MEIS1: variants seen among roughly 807,000 people sequenced by gnomAD.
MEIS1 encodes Meis homeobox 1.
Under a neutral mutation model 50.8 loss-of-function variants are expected in MEIS1, and 5 were observed. The observed-to-expected ratio is 0.10, with a 90% confidence interval of 0.05 to 0.21. The LOEUF (loss-of-function observed/expected upper bound fraction) is 0.21. MEIS1 is among the 10% of genes least tolerant of loss of function. MEIS1 has a pLI of 1.00. For missense variants in MEIS1, 318 were observed against 517.3 expected (o/e 0.61, Z 3.74); for synonymous variants, 176 against 179.3 (o/e 0.98, Z 0.15).
At chr2:66,474,451 CT>C (rs1672842231) in intron 7 of MEIS1, among the ~76,000 whole-genome samples, 3 of 152,108 alleles carry the variant, frequency 2.0e-5, no homozygotes, top group Admixed American at 6.6e-5. Context: ...AGCTCTCCCC[CT>C]GATGTTATTT....
chr2:66,488,634 C>T (rs942768785), intron 7 of MEIS1, among the ~76,000 whole-genome samples: 7 of 152,068 alleles, frequency 4.6e-5, no homozygotes, highest in East Asian at 3.9e-4. Context: ...GCCGAGATCG[C>T]GCCACTGCAC....
At chr2:66,548,123 C>T (rs1396526428) in intron 9 of MEIS1, 104 bp downstream of exon 9, 4 of 1,059,948 alleles carry the variant, frequency 3.8e-6, no homozygotes, top group East Asian at 2.4e-5. Context: ...CACTGCTTTC[C>T]CTGGTGGCTT....
intron 8 of MEIS1, among the ~76,000 whole-genome samples, chr2:66,533,335 A>G (rs1572884637): frequency 6.6e-6 from 1 of 152,104 alleles, no homozygotes; most frequent in East Asian, 1.9e-4. Context: ...TTTTTCCCCC[A>G]TAGACTTTAT....
intron 10 of MEIS1, chr2:66,567,925 C>G (rs1675390812): frequency 2.8e-6 from 1 of 362,070 alleles, no homozygotes; most frequent in African/African-American, 2.1e-5. Flanking sequence ...TTGTGGGACT[C>G]AGTAAAGTTC....
At chr2:66,518,368 T>G (rs1212141058) in intron 8 of MEIS1, among the ~76,000 whole-genome samples, 2 of 152,228 alleles carry the variant, frequency 1.3e-5, no homozygotes, top group African/African-American at 2.4e-5. Context: ...GCTGGCAATT[T>G]GTCAGATCAT....
chr2:66,524,738 A>G (rs1674207869), intron 8 of MEIS1, among the ~76,000 whole-genome samples: 1 of 152,190 alleles, frequency 6.6e-6, no homozygotes, highest in Admixed American at 6.5e-5. Flanking sequence ...TATTTCATGA[A>G]AATATTTACA....
At chr2:66,524,238 T>C (rs908518955) in intron 8 of MEIS1, among the ~76,000 whole-genome samples, 2 of 152,170 alleles carry the variant, frequency 1.3e-5, no homozygotes, top group African/African-American at 4.8e-5. Context: ...TGGTCCAGCC[T>C]GACTCTGGGT....
intron 9 of MEIS1, among the ~76,000 whole-genome samples, chr2:66,551,851 G>T (rs1307624067): frequency 6.6e-6 from 1 of 151,642 alleles, no homozygotes; most frequent in Non-Finnish European, 1.5e-5. Flanking sequence ...TAGCATCAGG[G>T]GCTTTTGTCT....
chr2:66,476,068 G>T (rs563826711), intron 7 of MEIS1, among the ~76,000 whole-genome samples: 23 of 152,288 alleles, frequency 1.5e-4, no homozygotes, highest in African/African-American at 4.6e-4. Context: ...GAATGGGGTT[G>T]AGGATGCTGT....
chr2:66,532,487 A>T (rs1410414806), intron 8 of MEIS1, among the ~76,000 whole-genome samples: 2 of 152,140 alleles, frequency 1.3e-5, no homozygotes, highest in African/African-American at 4.8e-5. Context: ...AAATAGGGGT[A>T]AACACTCTGG....
intron 7 of MEIS1, among the ~76,000 whole-genome samples, chr2:66,482,239 C>A (rs971407225): frequency 6.6e-6 from 1 of 152,048 alleles, no homozygotes; most frequent in Non-Finnish European, 1.5e-5. Flanking sequence ...ATTTTTCAAA[C>A]AAATAACTCA....
At chr2:66,502,248 A>G (rs920521462) in intron 7 of MEIS1, among the ~76,000 whole-genome samples, 3 of 152,182 alleles carry the variant, frequency 2.0e-5, no homozygotes, top group Non-Finnish European at 2.9e-5. Context: ...AAATATAGGC[A>G]GGGGTAAATG....
intron 6 of MEIS1, among the ~76,000 whole-genome samples, chr2:66,452,049 G>A (rs1489433858): frequency 2.0e-5 from 3 of 151,808 alleles, no homozygotes; most frequent in African/African-American, 7.3e-5. Flanking sequence ...CAGCAAATAG[G>A]TAAGATGCTA....
chr2:66,448,085 A>G (rs1196867491), intron 6 of MEIS1, among the ~76,000 whole-genome samples: 5 of 152,210 alleles, frequency 3.3e-5, no homozygotes, highest in African/African-American at 1.2e-4. Context: ...GTCCTAACTT[A>G]GAGACTTGTA....
Position 66,450,723 on chromosome 2 carries a change from A to G in MEIS1, c.630+7675A>G, listed in dbSNP as rs556309573. On this transcript the variant is annotated intron_variant, in intron 6 of 12. Coordinates refer to ENST00000272369, the MANE Select transcript of MEIS1 (RefSeq NM_002398.3). ...ATTAGAATTACTCTAATATCAATAT[A>G]TGACAACATTCTAGTATCAATACCT... Among the ~76,000 whole-genome samples the G allele has an allele frequency of 1.3e-3, 202 of 152,310 alleles. 1 individual carries two copies. Among genetic ancestry groups the G allele is most frequent in the African/African-American group, 4.5e-3 (185 of 41,572 alleles).
At chr2:66,473,417 T>G (rs768734433) in intron 7 of MEIS1, among the ~76,000 whole-genome samples, 3 of 138,722 alleles carry the variant, frequency 2.2e-5, no homozygotes, top group Non-Finnish European at 4.5e-5. Context: ...TATATATATA[T>G]AGTAATATAA....
intron 8 of MEIS1, among the ~76,000 whole-genome samples, chr2:66,515,087 G>C (rs944594242): frequency 6.6e-6 from 1 of 152,046 alleles, no homozygotes; most frequent in African/African-American, 2.4e-5. Context: ...AAATGGTCAC[G>C]TCATTGCTAT....
At chr2:66,564,447 G>A (rs17032248) in intron 9 of MEIS1, among the ~76,000 whole-genome samples, 1 of 152,152 alleles carries the variant, frequency 6.6e-6, no homozygotes, top group Non-Finnish European at 1.5e-5. Context: ...CCACTGCAAG[G>A]CTTCAGGAGG....
intron 7 of MEIS1, among the ~76,000 whole-genome samples, chr2:66,492,439 G>A (rs1255541765): frequency 6.6e-6 from 1 of 152,132 alleles, no homozygotes; most frequent in African/African-American, 2.4e-5. Context: ...TTGCTGCACT[G>A]AACTCAGCAC....
Sources: gnomAD v4.1 joint callset for allele counts (sites outside exome capture counted in the v4.1 genomes callset) on GRCh38, gnomAD v4.1.1 for gene constraint, MANE v1.5 for transcripts, NCBI Gene and HGNC (gene_info 2026-07-23, HGNC 2026-07-21) for gene names.